Variants in MAGI1 observed in about 807,000 individuals in gnomAD.
The protein encoded by MAGI1 is membrane-associated guanylate kinase, WW and PDZ domain-containing protein 1.
Under a neutral mutation model 139.9 loss-of-function variants are expected in MAGI1, and 58 were observed. The observed-to-expected ratio is 0.41, with a 90% CI of 0.34 to 0.52. The LOEUF is 0.52. Ranked by LOEUF, MAGI1 falls within the 20% of genes least tolerant of loss-of-function variation. MAGI1 has a pLI of 0.12. For missense variants in MAGI1, 1,874 were observed against 1,901.6 expected, an observed-to-expected ratio of 0.99 and a Z score of 0.27; for synonymous variants, 812 against 737.9, an observed-to-expected ratio of 1.10 and a Z score of -1.63.
intron 1 of MAGI1, among the ~76,000 whole-genome samples, chr3:65,917,308 A>T (rs1171496203): frequency 6.6e-6 from 1 of 152,214 alleles, no homozygotes; most frequent in Non-Finnish European, 1.5e-5. Context: ...CCAAATGCTG[A>T]CAAGGATATG....
chr3:65,966,339 T>C (rs2064738731), intron 1 of MAGI1, among the ~76,000 whole-genome samples: 1 of 152,208 alleles, frequency 6.6e-6, no homozygotes, highest in African/African-American at 2.4e-5. Flanking sequence ...TTCTCTCTTC[T>C]GCAAGACTGA....
intron 1 of MAGI1, among the ~76,000 whole-genome samples, chr3:65,748,975 G>T (rs1401344907): frequency 6.6e-6 from 1 of 152,198 alleles, no homozygotes; most frequent in Non-Finnish European, 1.5e-5. Flanking sequence ...TGGTGATCCA[G>T]ATGGTATCCT....
chr3:65,890,208 C>G (rs1039115539), intron 1 of MAGI1, among the ~76,000 whole-genome samples: 3 of 151,900 alleles, frequency 2.0e-5, no homozygotes, highest in Admixed American at 6.6e-5. Flanking sequence ...ACTAAAAATA[C>G]AAAAAAATTA....
chr3:65,883,698 C>T (rs2060423544), intron 1 of MAGI1, among the ~76,000 whole-genome samples: 1 of 152,204 alleles, frequency 6.6e-6, no homozygotes, highest in Admixed American at 6.5e-5. Context: ...TCCTGAATTG[C>T]CACTGCATTT....
chr3:65,578,532 C>T (rs903622010), intron 2 of MAGI1, among the ~76,000 whole-genome samples: 3 of 152,134 alleles, frequency 2.0e-5, no homozygotes, highest in Admixed American at 6.5e-5. Flanking sequence ...AATATAAGAG[C>T]TGGATGCCAA....
At chr3:65,709,412 A>G (rs2107643090) in intron 1 of MAGI1, among the ~76,000 whole-genome samples, 1 of 152,314 alleles carries the variant, frequency 6.6e-6, no homozygotes. Flanking sequence ...CTCTGTCATT[A>G]AAAGTGAGTT....
chr3:65,709,231 T>G (rs2030946250), intron 1 of MAGI1, among the ~76,000 whole-genome samples: 1 of 152,222 alleles, frequency 6.6e-6, no homozygotes, highest in South Asian at 2.1e-4. Context: ...CGAGAAAATA[T>G]GCAGCTCAAC....
At chr3:65,651,594 T>A (rs1015268843) in intron 1 of MAGI1, among the ~76,000 whole-genome samples, 1 of 152,108 alleles carries the variant, frequency 6.6e-6, no homozygotes, top group African/African-American at 2.4e-5. Flanking sequence ...CACCAGACAA[T>A]GAAGTCAATT....
At chr3:65,752,998 C>A (rs181208938) in intron 1 of MAGI1, among the ~76,000 whole-genome samples, 1 of 152,152 alleles carries the variant, frequency 6.6e-6, no homozygotes, top group Admixed American at 6.5e-5. Flanking sequence ...TACTGTAATA[C>A]CCCTATTACA....
intron 2 of MAGI1, among the ~76,000 whole-genome samples, chr3:65,528,684 A>G (rs926318530): frequency 1.3e-5 from 2 of 152,100 alleles, no homozygotes; most frequent in Non-Finnish European, 2.9e-5. Flanking sequence ...GCAAATGTCA[A>G]CTCCCAATAT....
chr3:65,938,203 C>A (rs2063151636), intron 1 of MAGI1, among the ~76,000 whole-genome samples: 1 of 151,368 alleles, frequency 6.6e-6, no homozygotes, highest in African/African-American at 2.4e-5. Flanking sequence ...GGAACAGTTT[C>A]TTTCCATTTA....
chr3:65,826,560 C>G (rs2042241682), intron 1 of MAGI1, among the ~76,000 whole-genome samples: 1 of 152,176 alleles, frequency 6.6e-6, no homozygotes, highest in South Asian at 2.1e-4. Context: ...ATTTTTCTTA[C>G]TGACCTTAGT....
In MAGI1 at chr3:65,588,737, G is replaced by A. The variant is rs977090154; in HGVS notation, c.430+33235C>T. 3.9e-5 allele frequency among the ~76,000 whole-genome samples: 6 copies of A among 152,316 alleles called. No individual in the cohort carries two copies. In the East Asian group the frequency reaches 5.8e-4, roughly 15 times the overall value. ...TAAAATAAAAGTTCCCCAAGGGAAA[G>A]AAGTGTTAATTATTGTACCCTTGGT... On this transcript the variant is annotated intron_variant, in intron 2 of 22. Coordinates refer to ENST00000402939, the MANE Select transcript of MAGI1 (RefSeq NM_001033057.2).
chr3:65,458,767 T>A (rs528053089), intron 5 of MAGI1, among the ~76,000 whole-genome samples: 2 of 152,304 alleles, frequency 1.3e-5, no homozygotes, highest in Non-Finnish European at 2.9e-5. Flanking sequence ...GGTTGTCTCC[T>A]CACTTTGTTT....
intron 1 of MAGI1, among the ~76,000 whole-genome samples, chr3:65,886,838 T>C (rs1226183560): frequency 6.6e-6 from 1 of 152,220 alleles, no homozygotes; most frequent in African/African-American, 2.4e-5. Context: ...ACCTATATGT[T>C]GGCTGATACA....
intron 2 of MAGI1, among the ~76,000 whole-genome samples, chr3:65,606,379 C>T (rs551341001): frequency 8.6e-4 from 131 of 152,198 alleles, no homozygotes; most frequent in African/African-American, 3.1e-3. Flanking sequence ...CTTGCTCTGT[C>T]ACCCAGGCAG....
chr3:65,835,675 AATATT>A (rs1444741088), intron 1 of MAGI1, among the ~76,000 whole-genome samples: 2 of 152,204 alleles, frequency 1.3e-5, no homozygotes, highest in Non-Finnish European at 2.9e-5. Flanking sequence ...TATTTGCACT[AATATT>A]ATATTTTTGT....
chr3:65,804,184 G>A (rs1481061771), intron 1 of MAGI1, among the ~76,000 whole-genome samples: 1 of 151,822 alleles, frequency 6.6e-6, no homozygotes, highest in Non-Finnish European at 1.5e-5. Context: ...CAATGGCCTG[G>A]CAGAGACCCT....
chr3:65,477,236 G>T (rs1950942872), intron 4 of MAGI1, among the ~76,000 whole-genome samples: 1 of 152,104 alleles, frequency 6.6e-6, no homozygotes, highest in Non-Finnish European at 1.5e-5. Context: ...TTAGTCCTCT[G>T]AGCTTAGCTA....
Sources: allele counts gnomAD v4.1 joint callset (sites outside exome capture counted in the v4.1 genomes callset), GRCh38; gene constraint gnomAD v4.1.1; transcripts MANE v1.5; gene names NCBI Gene and HGNC (gene_info 2026-07-23, HGNC 2026-07-21).